TRAPPC9: variants seen among roughly 807,000 people sequenced by gnomAD.
The protein encoded by TRAPPC9 is IKK2 binding protein.
TRAPPC9 carries 83 observed loss-of-function variants against 124.0 expected under a neutral mutation model. The observed-to-expected ratio is 0.67, with a 90% CI of 0.56 to 0.80. The LOEUF is 0.80. Ranked by LOEUF, TRAPPC9 falls within the 30% of genes least tolerant of loss-of-function variation. The pLI, the probability that TRAPPC9 is intolerant of heterozygous loss-of-function variation, is 0.00. For missense variants in TRAPPC9, 1,302 were observed against 1,508.3 expected (o/e 0.86, Z 2.27); for synonymous variants, 638 against 617.5 (o/e 1.03, Z -0.49).
intron 21 of TRAPPC9, among the ~76,000 whole-genome samples, chr8:139,751,503 G>A (rs1224666388): frequency 1.3e-5 from 2 of 152,106 alleles, no homozygotes; most frequent in Non-Finnish European, 2.9e-5. Context: ...GCAACAGGGT[G>A]GGACTCCCCT....
At chr8:140,381,848 T>C (rs910982682) in intron 7 of TRAPPC9, among the ~76,000 whole-genome samples, 2 of 152,148 alleles carry the variant, frequency 1.3e-5, no homozygotes, top group South Asian at 2.1e-4. Context: ...CCTTCAGACA[T>C]TGCTGGTAGA....
rs529383296 is a variant in TRAPPC9 at position 139,788,199 on chromosome 8, C to T, written c.3056-55997G>A. Among the ~76,000 whole-genome samples, 5 of 152,324 alleles carry T rather than the reference C, an allele frequency of 3.3e-5. No individual in the cohort carries two copies. The highest frequency in any genetic ancestry group is 2.6e-4 in the Admixed American group (4 of 15,306). On this transcript the variant is annotated intron_variant, in intron 21 of 22. Coordinates refer to ENST00000438773, the MANE Select transcript of TRAPPC9 (RefSeq NM_001160372.4). The surrounding 1 kb of genome is among the most constrained non-coding windows in gnomAD (Gnocchi z 4.9). The stretch of plus-strand genomic sequence containing the variant: ...TCAAAAACCCACATGCCCCTCTTGG[C>T]GCCTGGCAGGGCAGCCCCTCCTGTG...
At chr8:140,210,782 A>C (rs187368109) in intron 17 of TRAPPC9, among the ~76,000 whole-genome samples, 174 of 152,294 alleles carry the variant, frequency 1.1e-3, no homozygotes, top group African/African-American at 4.0e-3. Flanking sequence ...GCTCTACTGC[A>C]AGATTTTCAA....
At chr8:140,267,997 A>C (rs931446275) in intron 15 of TRAPPC9, among the ~76,000 whole-genome samples, 1 of 152,088 alleles carries the variant, frequency 6.6e-6, no homozygotes, top group Non-Finnish European at 1.5e-5. Flanking sequence ...CTGAGATATA[A>C]AATAACTCTA....
intron 19 of TRAPPC9, among the ~76,000 whole-genome samples, chr8:139,935,669 C>CTTTTTTTTTTTTTTT: frequency 7.5e-6 from 1 of 132,568 alleles, no homozygotes; most frequent in Non-Finnish European, 1.6e-5. Context: ...TCAGTCTTTG[C>CTTTTTTTTTTTTTTT]TTTTTTTTTT....
At chr8:140,105,366 C>G (rs2060645318) in intron 17 of TRAPPC9, among the ~76,000 whole-genome samples, 1 of 152,220 alleles carries the variant, frequency 6.6e-6, no homozygotes, top group South Asian at 2.1e-4. Flanking sequence ...CTGTCTCCCC[C>G]TGGTTATCCA....
intron 21 of TRAPPC9, among the ~76,000 whole-genome samples, chr8:139,734,943 T>C (rs894498907): frequency 6.6e-6 from 1 of 152,260 alleles, no homozygotes; most frequent in Non-Finnish European, 1.5e-5. Context: ...CAGCTTTTGC[T>C]GCATCCTACA....
intron 15 of TRAPPC9, among the ~76,000 whole-genome samples, chr8:140,262,228 A>AT (rs10719517): frequency 6.6e-6 from 1 of 151,496 alleles, no homozygotes; most frequent in African/African-American, 2.4e-5. Flanking sequence ...TTTTTTCCTC[A>AT]TTTTTTTTTA....
intron 21 of TRAPPC9, among the ~76,000 whole-genome samples, chr8:139,869,630 A>T (rs576349648): frequency 3.9e-5 from 6 of 152,382 alleles, no homozygotes; most frequent in African/African-American, 1.4e-4. Flanking sequence ...AACAAGGAAC[A>T]TAACTTGTTT....
chr8:140,366,179 T>C (rs1026021621), intron 8 of TRAPPC9, among the ~76,000 whole-genome samples: 5 of 152,224 alleles, frequency 3.3e-5, no homozygotes, highest in African/African-American at 1.2e-4. Context: ...CTGATGGGCA[T>C]TGAGGTTGAT....
chr8:140,311,866 T>C (rs1180352048), intron 9 of TRAPPC9, among the ~76,000 whole-genome samples: 1 of 144,758 alleles, frequency 6.9e-6, no homozygotes, highest in African/African-American at 2.5e-5. Context: ...GAAAAGACTG[T>C]TGTTCACCAT....
intron 9 of TRAPPC9, among the ~76,000 whole-genome samples, chr8:140,312,800 C>T (rs1342545633): frequency 1.4e-5 from 2 of 147,952 alleles, no homozygotes; most frequent in Admixed American, 6.8e-5. Flanking sequence ...CACTCTGTCT[C>T]CCAGGCTGGA....
At chr8:140,409,361 C>G (rs1049473394) in intron 5 of TRAPPC9, among the ~76,000 whole-genome samples, 1 of 151,906 alleles carries the variant, frequency 6.6e-6, no homozygotes, top group Non-Finnish European at 1.5e-5. Context: ...ACTGTGAGTG[C>G]GAATGATGCG....
At chr8:140,038,577 T>C (rs1444735979) in intron 17 of TRAPPC9, among the ~76,000 whole-genome samples, 1 of 152,206 alleles carries the variant, frequency 6.6e-6, no homozygotes, top group Non-Finnish European at 1.5e-5. Context: ...CACTGCTGTC[T>C]AGATGGCGAT....
chr8:139,769,141 T>C (rs1250195166), intron 21 of TRAPPC9, among the ~76,000 whole-genome samples: 3 of 152,220 alleles, frequency 2.0e-5, no homozygotes, highest in African/African-American at 7.2e-5. Flanking sequence ...GTAACCCTGT[T>C]ATCCTCGGGG....
chr8:140,178,597 G>A (rs1440727569), intron 17 of TRAPPC9, among the ~76,000 whole-genome samples: 2 of 152,036 alleles, frequency 1.3e-5, no homozygotes, highest in Non-Finnish European at 2.9e-5. Flanking sequence ...TCTTCTTATA[G>A]TGTCTCTGAT....
At position 139,730,137 on chromosome 8, in the gene TRAPPC9, C is replaced by T. The variant is rs564287750; in HGVS notation, c.*924G>A. On this transcript the variant is annotated 3_prime_UTR_variant, in exon 23 of 23. Coordinates refer to ENST00000438773, the MANE Select transcript of TRAPPC9 (RefSeq NM_001160372.4). ...TCACACTCCTTCACTGGTGATCTCC[C>T]TCCCCTGCAGGCCTCCTTCCACCTC... Among the ~76,000 whole-genome samples the T allele has an allele frequency of 6.6e-6, 1 of 152,200 alleles. No individual in the cohort carries two copies. Among genetic ancestry groups the T allele is most frequent in the Non-Finnish European group, 1.5e-5 (1 of 68,034 alleles).
chr8:139,783,753 T>C (rs1348522954), intron 21 of TRAPPC9, among the ~76,000 whole-genome samples: 3 of 152,224 alleles, frequency 2.0e-5, no homozygotes, highest in East Asian at 1.9e-4. Flanking sequence ...TACAAGGTTT[T>C]TTAGGATACT....
In TRAPPC9 at chr8:139,961,494, C is replaced by T. The variant is rs1379110348; in HGVS notation, c.2810+27232G>A. On this transcript the variant is annotated intron_variant, in intron 19 of 22. Coordinates refer to ENST00000438773, the MANE Select transcript of TRAPPC9 (RefSeq NM_001160372.4). ...AGCCCCACCCTACTGGGCAGGGCTA[C>T]AGCCACTGAAACTGCAGCTATGGAG... Among the ~76,000 whole-genome samples the T allele has an allele frequency of 5.6e-5, 7 of 124,148 alleles. 1 individual carries two copies. The highest frequency in any genetic ancestry group is 3.9e-5 in the Non-Finnish European group (2 of 51,770). 81.4% of individuals were successfully genotyped at this position (124,148 alleles called of 152,430 possible). A position where few individuals can be genotyped will look rare whatever the true frequency, so the allele number is the denominator to read the frequency against.
Sources: gnomAD v4.1 joint callset for allele counts (sites outside exome capture counted in the v4.1 genomes callset) on GRCh38, gnomAD v4.1.1 for gene constraint, Gnocchi (gnomAD v3.1) non-coding constraint, MANE v1.5 for transcripts, NCBI Gene and HGNC (gene_info 2026-07-23, HGNC 2026-07-21) for gene names.